Variants in MAGI3 observed in about 807,000 individuals in gnomAD.
MAGI3 encodes membrane associated guanylate kinase, WW and PDZ domain containing 3, also known as membrane-associated guanylate kinase, WW and PDZ domain-containing protein 3.
Under a neutral mutation model 121.8 loss-of-function variants are expected in MAGI3, and 43 were observed. That is an observed-to-expected ratio of 0.35 (90% CI 0.28 to 0.46). MAGI3 has a LOEUF of 0.46. Ranked by LOEUF, MAGI3 falls within the 20% of genes least tolerant of loss-of-function variation. The probability of loss-of-function intolerance (pLI) is 1.00; values close to 1 mark genes in which losing one functional copy is unlikely to be tolerated. For synonymous variants in MAGI3, 553 were observed against 639.3 expected, an observed-to-expected ratio of 0.86 and a Z score of 2.04; for missense variants, 1,547 against 1,797.3, an observed-to-expected ratio of 0.86 and a Z score of 2.52.
intron 19 of MAGI3, among the ~76,000 whole-genome samples, chr1:113,677,945 T>C (rs764991699): frequency 1.3e-5 from 2 of 152,322 alleles, no homozygotes; most frequent in South Asian, 2.1e-4. Context: ...AAGAGTCTTT[T>C]TCATCTGTAG....
chr1:113,544,905 T>A (rs1557814368), intron 1 of MAGI3, among the ~76,000 whole-genome samples: 1 of 152,110 alleles, frequency 6.6e-6, no homozygotes, highest in Non-Finnish European at 1.5e-5. Flanking sequence ...CAGAGGAAAT[T>A]AAACAAACAA....
chr1:113,567,176 G>A (rs1199482450), intron 2 of MAGI3, among the ~76,000 whole-genome samples: 1 of 151,884 alleles, frequency 6.6e-6, no homozygotes, highest in Non-Finnish European at 1.5e-5. Flanking sequence ...CCACAAATTG[G>A]ATGATCTAGA....
intron 16 of MAGI3, among the ~76,000 whole-genome samples, chr1:113,660,109 C>T (rs1653700015): frequency 6.6e-6 from 1 of 152,168 alleles, no homozygotes; most frequent in Non-Finnish European, 1.5e-5. Context: ...GTTCCTACCA[C>T]ACCACTCTCA....
At chr1:113,408,564 T>C (rs1162009826) in intron 1 of MAGI3, among the ~76,000 whole-genome samples, 1 of 152,140 alleles carries the variant, frequency 6.6e-6, no homozygotes, top group East Asian at 1.9e-4. Flanking sequence ...TCTTTAAAAG[T>C]CAAACTAATT....
At chr1:113,522,794 T>G (rs1428168450) in intron 1 of MAGI3, among the ~76,000 whole-genome samples, 1 of 152,216 alleles carries the variant, frequency 6.6e-6, no homozygotes, top group Non-Finnish European at 1.5e-5. Context: ...GTAATTTTTT[T>G]AAACGAAACT....
At chr1:113,437,065 T>C (rs1417456407) in intron 1 of MAGI3, among the ~76,000 whole-genome samples, 1 of 152,006 alleles carries the variant, frequency 6.6e-6, no homozygotes, top group Non-Finnish European at 1.5e-5. Context: ...CCGCCTGCCT[T>C]GGCCTCCCAA....
intron 5 of MAGI3, among the ~76,000 whole-genome samples, chr1:113,591,487 G>A (rs1557840159): frequency 1.3e-5 from 2 of 152,094 alleles, no homozygotes; most frequent in African/African-American, 4.8e-5. Flanking sequence ...TCTTGAATCT[G>A]TTTCCTCAGA....
chr1:113,661,611 G>T (rs1194148706), intron 16 of MAGI3, among the ~76,000 whole-genome samples: 1 of 152,156 alleles, frequency 6.6e-6, no homozygotes, highest in African/African-American at 2.4e-5. Context: ...TTCTCCAAGA[G>T]ATTATCCAAG....
intron 1 of MAGI3, among the ~76,000 whole-genome samples, chr1:113,473,057 T>C (rs1655621460): frequency 6.6e-6 from 1 of 152,212 alleles, no homozygotes; most frequent in Non-Finnish European, 1.5e-5. Context: ...AATTCATGTA[T>C]TTTCATGTTG....
At chr1:113,524,317 A>G (rs1469716032) in intron 1 of MAGI3, among the ~76,000 whole-genome samples, 2 of 152,044 alleles carry the variant, frequency 1.3e-5, no homozygotes, top group African/African-American at 4.8e-5. Context: ...GAGGGCCACC[A>G]TCCTCCAGAC....
chr1:113,649,150 T>C (rs1200052875), intron 12 of MAGI3, 87 bp from the exon 13 acceptor site: 1 of 951,890 alleles, frequency 1.1e-6, no homozygotes, highest in African/African-American at 1.7e-5. Flanking sequence ...TGAGTTACTC[T>C]ATAATATCCT....
At chr1:113,517,065 G>A (rs937926570) in intron 1 of MAGI3, among the ~76,000 whole-genome samples, 2 of 151,900 alleles carry the variant, frequency 1.3e-5, no homozygotes, top group East Asian at 1.9e-4. Context: ...GGAAGCCTAA[G>A]GAAATATGAC....
At chr1:113,540,793 G>C (rs1178250725) in intron 1 of MAGI3, among the ~76,000 whole-genome samples, 1 of 152,036 alleles carries the variant, frequency 6.6e-6, no homozygotes, top group East Asian at 1.9e-4. Flanking sequence ...ATCATACACA[G>C]AAACACTTGC....
At chr1:113,526,288 G>T (rs1658444582) in intron 1 of MAGI3, among the ~76,000 whole-genome samples, 2 of 152,186 alleles carry the variant, frequency 1.3e-5, no homozygotes, top group South Asian at 4.1e-4. Context: ...AGTCCTAGGG[G>T]AGCAAATAAG....
At chr1:113,421,882 A>G (rs1320383603) in intron 1 of MAGI3, among the ~76,000 whole-genome samples, 3 of 148,626 alleles carry the variant, frequency 2.0e-5, no homozygotes, top group Non-Finnish European at 3.0e-5. Context: ...TTCAATCTAT[A>G]TGTGTTTGGA....
chr1:113,677,922 A>G (rs972745994), intron 19 of MAGI3, among the ~76,000 whole-genome samples: 1 of 152,136 alleles, frequency 6.6e-6, no homozygotes, highest in Non-Finnish European at 1.5e-5. Context: ...ACTCCTCTGA[A>G]TTTCCCTCTC....
intron 11 of MAGI3, among the ~76,000 whole-genome samples, chr1:113,644,815 G>A (rs1002797064): frequency 1.3e-5 from 2 of 152,044 alleles, no homozygotes; most frequent in Non-Finnish European, 2.9e-5. Context: ...ACAATGTTTT[G>A]GATATAAAGA....
At chr1:113,646,731 A>G in intron 12 of MAGI3, 89 bp downstream of exon 12, 1 of 1,066,394 alleles carries the variant, frequency 9.4e-7, no homozygotes, top group Non-Finnish European at 1.3e-6. Context: ...TTTCAGAAGC[A>G]TATTGAAAAG....
chr1:113,407,972 T>C (rs1263703450), intron 1 of MAGI3, among the ~76,000 whole-genome samples: 4 of 152,140 alleles, frequency 2.6e-5, no homozygotes, highest in Non-Finnish European at 5.9e-5. Context: ...GTTGTAGAAT[T>C]GGAACATTTT....
Sources: allele counts gnomAD v4.1 joint callset (sites outside exome capture counted in the v4.1 genomes callset), GRCh38; gene constraint gnomAD v4.1.1; transcripts MANE v1.5; gene names NCBI Gene and HGNC (gene_info 2026-07-23, HGNC 2026-07-21).